SMG6: variants seen among roughly 807,000 people sequenced by gnomAD.
The protein encoded by SMG6 is telomerase-binding protein EST1A.
Under a neutral mutation model 142.2 loss-of-function variants are expected in SMG6, and 66 were observed. The observed-to-expected ratio is 0.46, with a 90% confidence interval of 0.38 to 0.57. SMG6 has a LOEUF of 0.57. SMG6 is among the 20% of genes least tolerant of loss of function. The pLI is 0.00. For missense variants in SMG6, 1,793 were observed against 1,832.0 expected (o/e 0.98, Z 0.39); for synonymous variants, 779 against 702.4 (o/e 1.11, Z -1.72).
Position 2,071,311 on chromosome 17 carries a change from A to G in SMG6, c.3682-2380T>C, listed in dbSNP as rs1032433776. Among the ~76,000 whole-genome samples, 1 of 152,022 alleles carries G rather than the reference A, an allele frequency of 6.6e-6. No individual in the cohort carries two copies. The highest frequency in any genetic ancestry group is 2.4e-5 in the African/African-American group (1 of 41,362). ...CAGTCAGCTCCTAAGCCCTGGTACC[A>G]TCCTACCTCTATTGCTGGCAATTAG... is the stretch of plus-strand genomic sequence containing the variant. On this transcript the variant is annotated intron_variant, in intron 15 of 18. Transcript: ENST00000263073. The surrounding 1 kb of genome is among the most constrained non-coding windows in gnomAD (Gnocchi z 5.6).
chr17:2,209,530 A>C (rs1198210171), intron 10 of SMG6, among the ~76,000 whole-genome samples: 1 of 152,126 alleles, frequency 6.6e-6, no homozygotes, highest in African/African-American at 2.4e-5. Context: ...GCCCCGGCTA[A>C]CTTTTGTATT....
At chr17:2,111,154 C>A (rs1177181728) in intron 13 of SMG6, among the ~76,000 whole-genome samples, 1 of 152,080 alleles carries the variant, frequency 6.6e-6, no homozygotes, top group Non-Finnish European at 1.5e-5. Flanking sequence ...ATTCAAACCA[C>A]CAGGAATACA....
At chr17:2,127,323 G>A in intron 13 of SMG6, 1 of 449,870 alleles carries the variant, frequency 2.2e-6, no homozygotes, top group Non-Finnish European at 4.3e-6. Context: ...AGTAGTGATG[G>A]TCGCACAACA....
chr17:2,225,558 C>G (rs567547708), intron 10 of SMG6, among the ~76,000 whole-genome samples: 34 of 152,046 alleles, frequency 2.2e-4, no homozygotes, highest in African/African-American at 8.2e-4. Context: ...AATTAAAAAA[C>G]CAAATAAATC....
intron 12 of SMG6, among the ~76,000 whole-genome samples, chr17:2,177,424 G>A (rs763599279): frequency 1.3e-5 from 2 of 152,072 alleles, no homozygotes; most frequent in African/African-American, 2.4e-5. Context: ...GAGCACCAAC[G>A]CCTGACCAAG....
chr17:2,100,289 C>T (rs1010009024), intron 13 of SMG6, among the ~76,000 whole-genome samples: 1 of 152,122 alleles, frequency 6.6e-6, no homozygotes, highest in Non-Finnish European at 1.5e-5. Context: ...TCGCCCGCCT[C>T]GGCCTTCCAA....
At chr17:2,147,435 G>C (rs2070702900) in intron 13 of SMG6, among the ~76,000 whole-genome samples, 1 of 152,002 alleles carries the variant, frequency 6.6e-6, no homozygotes, top group Non-Finnish European at 1.5e-5. Context: ...GTAGCTTATA[G>C]CAAGTTAGGA....
chr17:2,163,993 C>T (rs754776103), intron 13 of SMG6, among the ~76,000 whole-genome samples: 6 of 151,168 alleles, frequency 4.0e-5, no homozygotes, highest in Non-Finnish European at 5.9e-5. Context: ...ACCAAGAAGA[C>T]GGAGGTTGCA....
intron 13 of SMG6, among the ~76,000 whole-genome samples, chr17:2,167,509 T>G (rs1318314613): frequency 6.6e-6 from 1 of 152,228 alleles, no homozygotes; most frequent in African/African-American, 2.4e-5. Context: ...ATACAATGAT[T>G]ACGTTAATGC....
intron 8 of SMG6, among the ~76,000 whole-genome samples, chr17:2,262,653 T>C (rs1433881134): frequency 6.6e-6 from 1 of 152,264 alleles, no homozygotes; most frequent in Non-Finnish European, 1.5e-5. Context: ...CTGTTCACCC[T>C]GAGTTAATCT....
At chr17:2,251,284 C>T (rs1597711619) in intron 8 of SMG6, among the ~76,000 whole-genome samples, 4 of 150,504 alleles carry the variant, frequency 2.7e-5, no homozygotes, top group African/African-American at 9.8e-5. Flanking sequence ...AAAAAAAAAG[C>T]ACGGGAAAAC....
rs185265176 is a variant in SMG6 at position 2,275,159 on chromosome 17, C to T, written c.2661+7488G>A. On this transcript the variant is annotated intron_variant, in intron 8 of 18. Coordinates refer to ENST00000263073, the MANE Select transcript of SMG6 (RefSeq NM_017575.5). Reference sequence around the variant, plus strand: ...AATACGAGCCGGGCATGGTGGCTGACGCCTGTCATCCCAGCACTTTGGCAG... The same window carrying T: ...AATACGAGCCGGGCATGGTGGCTGATGCCTGTCATCCCAGCACTTTGGCAG... Among the ~76,000 whole-genome samples the T allele has an allele frequency of 1.3e-3, 199 of 152,212 alleles. 1 individual carries two copies. Among genetic ancestry groups the T allele is most frequent in the African/African-American group, 4.4e-3 (183 of 41,512 alleles).
intron 13 of SMG6, 108 bp downstream of exon 13, chr17:2,172,550 C>A: frequency 1.7e-6 from 2 of 1,186,680 alleles, no homozygotes; most frequent in South Asian, 2.7e-5. Context: ...ACACCCTTCT[C>A]AATGACTTAA....
At chr17:2,301,858 G>C (rs974899923) in intron 1 of SMG6, among the ~76,000 whole-genome samples, 1 of 152,122 alleles carries the variant, frequency 6.6e-6, no homozygotes, top group African/African-American at 2.4e-5. Flanking sequence ...TTTTAAAAAA[G>C]TATCTGTTAC....
At chr17:2,172,338 G>A (rs1309393789) in intron 13 of SMG6, among the ~76,000 whole-genome samples, 6 of 152,060 alleles carry the variant, frequency 3.9e-5, no homozygotes, top group Admixed American at 2.6e-4. Context: ...AGAAAGGAGG[G>A]TGCTTTAAGC....
intron 13 of SMG6, among the ~76,000 whole-genome samples, chr17:2,143,805 A>C (rs1281894210): frequency 2.0e-5 from 3 of 152,226 alleles, no homozygotes; most frequent in African/African-American, 7.2e-5. Flanking sequence ...TTAGGAAATA[A>C]TAAATTGTAT....
intron 10 of SMG6, among the ~76,000 whole-genome samples, chr17:2,200,370 TA>T (rs1057308523): frequency 3.3e-5 from 5 of 152,182 alleles, no homozygotes; most frequent in African/African-American, 1.2e-4. Context: ...TTATTTTTTT[TA>T]ATTATACTCT....
chr17:2,292,570 A>C lies in SMG6; in HGVS notation c.2319T>G (p.Ala773=), dbSNP rs1350181518. The change falls in exon 6 of 19, where the codon GCT becomes GCG. Residue 773 remains alanine (A), a synonymous_variant. Transcript: ENST00000263073. ...PKNGRPYNQL[A]LLAVYTRRKL... The stretch of plus-strand genomic sequence containing the variant: ...TTCTTACCGTATACACTGCCAGCAA[A>C]GCCAACTGGTTATAGGGGCGCCCAT... 6.2e-7 allele frequency: 1 copy of C among 1,614,112 alleles called. No individual in the cohort carries two copies. Among genetic ancestry groups the C allele is most frequent in the African/African-American group, 1.3e-5 (1 of 74,948 alleles).
chr17:2,119,990 TAGAGA>T (rs1326021940), intron 13 of SMG6, among the ~76,000 whole-genome samples: 2 of 152,128 alleles, frequency 1.3e-5, no homozygotes, highest in African/African-American at 4.8e-5. Flanking sequence ...ATATTTTTAG[TAGAGA>T]AACGGTTTCA....
Sources: allele counts gnomAD v4.1 joint callset (sites outside exome capture counted in the v4.1 genomes callset), GRCh38; gene constraint gnomAD v4.1.1; non-coding constraint Gnocchi (gnomAD v3.1); transcripts MANE v1.5; gene names NCBI Gene and HGNC (gene_info 2026-07-23, HGNC 2026-07-21).